AP2B1: variants seen among roughly 807,000 people sequenced by gnomAD.
The protein encoded by AP2B1 is adaptor related protein complex 2 subunit beta 1.
AP2B1 carries 23 observed loss-of-function variants against 102.0 expected under a neutral mutation model. The ratio of observed to expected loss-of-function variants is 0.23; its 90% CI spans 0.16 to 0.32. The LOEUF (loss-of-function observed/expected upper bound fraction) is 0.32, where lower values mean the gene tolerates loss of function less well. AP2B1 is among the 10% of genes least tolerant of loss of function. The pLI, the probability that AP2B1 is intolerant of heterozygous loss-of-function variation, is 1.00. For missense variants in AP2B1, 541 were observed against 1,157.4 expected, an observed-to-expected ratio of 0.47 and a Z score of 7.73; for synonymous variants, 381 against 421.2, an observed-to-expected ratio of 0.90 and a Z score of 1.17.
chr17:35,614,470 G>A (rs1029433872), intron 5 of AP2B1, among the ~76,000 whole-genome samples: 6 of 151,924 alleles, frequency 3.9e-5, no homozygotes, highest in East Asian at 1.9e-4. Flanking sequence ...GATTATAGGC[G>A]TGAGCCACCA....
intron 1 of AP2B1, among the ~76,000 whole-genome samples, chr17:35,593,553 T>C (rs569137287): frequency 6.7e-4 from 102 of 152,328 alleles, no homozygotes; most frequent in African/African-American, 2.4e-3. Context: ...GAGATTCTTT[T>C]TATTGAAAGT....
chr17:35,703,264 CA>C (rs57503007), intron 18 of AP2B1, among the ~76,000 whole-genome samples: 23 of 101,904 alleles, frequency 2.3e-4, no homozygotes, highest in Admixed American at 5.8e-4. Flanking sequence ...GACTCCATCT[CA>C]AAAAAAAAAA....
chr17:35,607,930 T>TAAAACAG, intron 4 of AP2B1: 1 of 590,252 alleles, frequency 1.7e-6, no homozygotes. Context: ...ATTTTGTATT[T>TAAAACAG]AAAACAGTTA....
At chr17:35,621,027 A>G (rs1044954276) in intron 5 of AP2B1, among the ~76,000 whole-genome samples, 8 of 152,340 alleles carry the variant, frequency 5.3e-5, no homozygotes, top group South Asian at 4.1e-4. Flanking sequence ...AGGTGAGTCA[A>G]GGCAGTTATT....
At chr17:35,649,695 A>G (rs559973446) in intron 12 of AP2B1, among the ~76,000 whole-genome samples, 4 of 152,334 alleles carry the variant, frequency 2.6e-5, no homozygotes, top group South Asian at 4.1e-4. Context: ...ATCTTAATTT[A>G]TAGTTACATC....
chr17:35,637,275 C>T (rs899397764), intron 10 of AP2B1, among the ~76,000 whole-genome samples: 2 of 152,156 alleles, frequency 1.3e-5, no homozygotes, highest in Admixed American at 1.3e-4. Flanking sequence ...ACCTCCGCCT[C>T]CCGGGTTCAA....
intron 17 of AP2B1, among the ~76,000 whole-genome samples, chr17:35,679,192 G>A (rs539511720): frequency 1.2e-4 from 19 of 152,196 alleles, no homozygotes; most frequent in South Asian, 1.0e-3. Flanking sequence ...CCTCAAGAAC[G>A]TTTCCTTCTT....
rs1264517004 is a variant in AP2B1 at position 35,612,135 on chromosome 17, A to T, written c.525+3748A>T. Among the ~76,000 whole-genome samples the T allele has an allele frequency of 2.0e-5, 3 of 152,190 alleles. No individual in the cohort carries two copies. In the East Asian group the frequency reaches 5.8e-4, roughly 29 times the overall value. The stretch of plus-strand genomic sequence containing the variant: ...AAATTATTGGACCAACTGCTCTCTG[A>T]ATAGAAGATCTTTGCTGTTTTGTCA... On this transcript the variant is annotated intron_variant, in intron 5 of 21. Coordinates refer to ENST00000610402, the MANE Select transcript of AP2B1 (RefSeq NM_001030006.2).
chr17:35,683,569 CTT>C (rs1311195430), intron 18 of AP2B1, among the ~76,000 whole-genome samples: 2 of 152,200 alleles, frequency 1.3e-5, no homozygotes, highest in Non-Finnish European at 2.9e-5. Flanking sequence ...ACAAGAGCCT[CTT>C]TATCTTGAAA....
chr17:35,592,938 G>A (rs2073148516), intron 1 of AP2B1, among the ~76,000 whole-genome samples: 1 of 152,156 alleles, frequency 6.6e-6, no homozygotes, highest in African/African-American at 2.4e-5. Context: ...GTAAAAATGT[G>A]ACCAGACTGT....
At chr17:35,695,357 G>C (rs1183595651) in intron 18 of AP2B1, among the ~76,000 whole-genome samples, 1 of 152,098 alleles carries the variant, frequency 6.6e-6, no homozygotes, top group Admixed American at 6.5e-5. Context: ...GAGCTACCCA[G>C]GAGTAGGAAC....
chr17:35,714,129 A>G (rs2076504809), intron 20 of AP2B1, among the ~76,000 whole-genome samples: 1 of 152,216 alleles, frequency 6.6e-6, no homozygotes, highest in Non-Finnish European at 1.5e-5. Flanking sequence ...ATCTATTTTC[A>G]TTAGTTAGGT....
At chr17:35,598,358 T>C (rs2073360968) in intron 3 of AP2B1, 23 bp downstream of exon 3, 1 of 1,527,512 alleles carries the variant, frequency 6.5e-7, no homozygotes, top group Non-Finnish European at 9.0e-7. Flanking sequence ...ACCCTTGCCA[T>C]TGATCACTTC....
At chr17:35,719,815 G>A (rs1265353093) in intron 21 of AP2B1, among the ~76,000 whole-genome samples, 1 of 152,198 alleles carries the variant, frequency 6.6e-6, no homozygotes, top group Non-Finnish European at 1.5e-5. Flanking sequence ...GGTCAACATA[G>A]TGGGACCCCA....
chr17:35,617,224 T>C (rs1215532984), intron 5 of AP2B1, among the ~76,000 whole-genome samples: 1 of 152,068 alleles, frequency 6.6e-6, no homozygotes, highest in East Asian at 1.9e-4. Flanking sequence ...CCTGGCTAAG[T>C]TTTGTATTTT....
chr17:35,694,288 C>A (rs188959), intron 18 of AP2B1, among the ~76,000 whole-genome samples: 132,232 of 151,962 alleles, frequency 0.87, 57,945 homozygotes, highest in African/African-American at 0.97. Context: ...CAACTTCCCA[C>A]GTTGGAGTTC....
intron 5 of AP2B1, among the ~76,000 whole-genome samples, chr17:35,616,830 G>A (rs2074036076): frequency 6.6e-6 from 1 of 152,208 alleles, no homozygotes; most frequent in African/African-American, 2.4e-5. Flanking sequence ...TAGCATAGTG[G>A]TTGAAACTCA....
chr17:35,647,800 G>A (rs970979847), intron 12 of AP2B1, among the ~76,000 whole-genome samples: 34 of 151,996 alleles, frequency 2.2e-4, no homozygotes, highest in African/African-American at 4.8e-5. Flanking sequence ...TCATCTGCTC[G>A]CTTAGAAACT....
intron 17 of AP2B1, among the ~76,000 whole-genome samples, chr17:35,674,853 C>T (rs372840125): frequency 1.6e-4 from 24 of 152,312 alleles, no homozygotes; most frequent in African/African-American, 5.5e-4. Context: ...GAAACCAGAA[C>T]TTATTTACTA....
Sources: allele counts gnomAD v4.1 joint callset (sites outside exome capture counted in the v4.1 genomes callset), GRCh38; gene constraint gnomAD v4.1.1; transcripts MANE v1.5; gene names NCBI Gene and HGNC (gene_info 2026-07-23, HGNC 2026-07-21).